The following SLC44A5 variants were observed in gnomAD, a reference collection of about 807,000 sequenced individuals.
The protein encoded by SLC44A5 is solute carrier family 44 member 5, also known as choline transporter-like protein 5.
SLC44A5 carries 57 observed loss-of-function variants against 101.8 expected under a neutral mutation model. That is an observed-to-expected ratio of 0.56 (90% CI 0.45 to 0.70). SLC44A5 has a LOEUF of 0.70. Ranked by LOEUF, SLC44A5 falls within the 30% of genes least tolerant of loss-of-function variation. The probability of loss-of-function intolerance (pLI) is 0.00; values close to 1 mark genes in which losing one functional copy is unlikely to be tolerated. For missense variants in SLC44A5, 737 were observed against 853.1 expected, an observed-to-expected ratio of 0.86 and a Z score of 1.70; for synonymous variants, 281 against 290.9, an observed-to-expected ratio of 0.97 and a Z score of 0.35.
chr1:75,218,509 C>A lies in SLC44A5; in HGVS notation c.1510G>T (p.Ala504Ser). ...ACTTACCGTATGGCTCGTCCAAATG[C>A]AGTAAAAAGTGGATATCGTGGGATG... ...DDIPRYPLFTAFGRAIRYHTG... is the reference protein window; with the variant it reads ...DDIPRYPLFTSFGRAIRYHTG... The change falls in exon 17 of 24, where the codon GCA (alanine) becomes TCA (serine). Residue 504 changes from alanine (A) to serine (S), a missense_variant. By Grantham distance (99) the Ala-to-Ser change is moderately conservative. Coordinates refer to ENST00000370859, the MANE Select transcript of SLC44A5 (RefSeq NM_001130058.2). 6.2e-7 allele frequency: 1 copy of A among 1,613,666 alleles called. No individual in the cohort carries two copies. The highest frequency in any genetic ancestry group is 8.5e-7 in the Non-Finnish European group (1 of 1,179,682).
the SLC44A5 span, among the ~76,000 whole-genome samples, chr1:75,678,388 G>A: frequency 6.6e-6 from 1 of 152,158 alleles, no homozygotes; most frequent in Non-Finnish European, 1.5e-5. Context: ...GAGAGCAGTG[G>A]TTCTCCCAGT....
chr1:75,249,037 G>T (rs954431988), intron 7 of SLC44A5, among the ~76,000 whole-genome samples: 1 of 152,058 alleles, frequency 6.6e-6, no homozygotes, highest in Non-Finnish European at 1.5e-5. Context: ...GAGGAATCAA[G>T]ATGATCAGAG....
Position 75,238,612 on chromosome 1 carries a change from A to G in SLC44A5, c.557T>C (p.Phe186Ser). The change falls in exon 10 of 24, where the codon TTC (phenylalanine) becomes TCC (serine). Residue 186 changes from phenylalanine to serine, a missense_variant. Physicochemically the swap from Phe to Ser is radical, Grantham distance 155. Transcript: ENST00000370859. Reference sequence around the variant, plus strand: ...TGTTAAAGTGCCATTTTTGGTAGAGAAGTCAGGGAAACATCTCTGGAGAAC... The same window carrying G: ...TGTTAAAGTGCCATTTTTGGTAGAGGAGTCAGGGAAACATCTCTGGAGAAC... ...KPFLQRCFPD[F>S]STKNGTLTIG... 6.3e-7 allele frequency: 1 copy of G among 1,577,164 alleles called. No individual in the cohort carries two copies. The highest frequency in any genetic ancestry group is 1.2e-5 in the South Asian group (1 of 86,714).
At chr1:75,574,086 A>C (rs545872666) in intron 1 of SLC44A5, among the ~76,000 whole-genome samples, 1 of 152,304 alleles carries the variant, frequency 6.6e-6, no homozygotes, top group South Asian at 2.1e-4. Context: ...AAAGTGAAGA[A>C]AGCAAAATGC....
At chr1:75,491,275 T>C (rs188657478) in intron 2 of SLC44A5, among the ~76,000 whole-genome samples, 1 of 152,258 alleles carries the variant, frequency 6.6e-6, no homozygotes, top group African/African-American at 2.4e-5. Flanking sequence ...CTTGCCACCA[T>C]CAGATAAACA....
At chr1:75,537,212 A>G (rs1671103019) in intron 2 of SLC44A5, among the ~76,000 whole-genome samples, 2 of 151,908 alleles carry the variant, frequency 1.3e-5, no homozygotes, top group Admixed American at 6.6e-5. Flanking sequence ...ATCTAGTTGA[A>G]CAATTCAAAT....
intron 2 of SLC44A5, among the ~76,000 whole-genome samples, chr1:75,518,355 T>C (rs1019734306): frequency 6.6e-6 from 1 of 152,224 alleles, no homozygotes; most frequent in Non-Finnish European, 1.5e-5. Flanking sequence ...TATTGAATAA[T>C]TTCTTTAGAG....
chr1:75,230,953 T>C (rs1647504049), intron 12 of SLC44A5, among the ~76,000 whole-genome samples: 1 of 152,186 alleles, frequency 6.6e-6, no homozygotes, highest in African/African-American at 2.4e-5. Context: ...ATTTGAATTC[T>C]TGGAGACCTC....
At position 75,585,159 on chromosome 1, in the gene SLC44A5, A is replaced by T. The variant is rs4949865; in HGVS notation, c.-70+25881T>A. ...TAATTTGTAAAACAGCAATGATTTA[A>T]GAAAATTTGAAAGGTTGTTATGTTT... is the stretch of plus-strand genomic sequence containing the variant. On this transcript the variant is annotated intron_variant, in intron 1 of 23. Coordinates refer to ENST00000370859, the MANE Select transcript of SLC44A5 (RefSeq NM_001130058.2). 2.5e-4 allele frequency among the ~76,000 whole-genome samples: 38 copies of T among 152,132 alleles called. No homozygotes were observed. In the East Asian group the frequency reaches 4.4e-3, roughly 18 times the overall value.
rs528727246 is a variant in SLC44A5, at chr1:75,406,885, A to C, written c.14-10264T>G. ...GCAATCAGGCAAGAGAAAGAAATAA[A>C]GGGTATTCAAATAGGAAGAGAAGAA... On this transcript the variant is annotated intron_variant, in intron 2 of 23. Coordinates refer to ENST00000370859, the MANE Select transcript of SLC44A5 (RefSeq NM_001130058.2). Among the ~76,000 whole-genome samples, 4 of 151,996 alleles carry C rather than the reference A, an allele frequency of 2.6e-5. No homozygotes were observed. In the East Asian group the frequency reaches 7.8e-4, roughly 29 times the overall value.
intron 1 of SLC44A5, among the ~76,000 whole-genome samples, chr1:75,599,325 T>C (rs1557948982): frequency 2.6e-5 from 4 of 152,140 alleles, no homozygotes; most frequent in East Asian, 1.9e-4. Context: ...CAAGCATCAA[T>C]GTACAGGCTG....
intron 5 of SLC44A5, among the ~76,000 whole-genome samples, chr1:75,284,077 C>T (rs1557619905): frequency 2.6e-5 from 4 of 151,990 alleles, no homozygotes; most frequent in Admixed American, 6.6e-5. Flanking sequence ...CTAATCTGTA[C>T]ATTGTTTTCA....
chr1:75,219,554 A>T (rs1287895735), intron 15 of SLC44A5, among the ~76,000 whole-genome samples: 1 of 152,118 alleles, frequency 6.6e-6, no homozygotes, highest in Non-Finnish European at 1.5e-5. Context: ...AATGTATAGG[A>T]GCTTTCTTGG....
At chr1:75,371,909 C>G (rs1259357790) in intron 3 of SLC44A5, among the ~76,000 whole-genome samples, 1 of 152,106 alleles carries the variant, frequency 6.6e-6, no homozygotes, top group East Asian at 1.9e-4. Context: ...ATAAAAGCTC[C>G]AAGGTAGCTG....
At chr1:75,629,473 A>C in the SLC44A5 span, among the ~76,000 whole-genome samples, 2 of 152,196 alleles carry the variant, frequency 1.3e-5, no homozygotes, top group Admixed American at 6.6e-5. Flanking sequence ...TTTAGCACAG[A>C]AAACATTTAC....
Position 75,264,127 on chromosome 1 carries a change from TTA to T in SLC44A5, c.260+10829_260+10830del, listed in dbSNP as rs1491478888. On this transcript the variant is annotated intron_variant, in intron 6 of 23. Coordinates refer to ENST00000370859, the MANE Select transcript of SLC44A5 (RefSeq NM_001130058.2). ...ACATGTATCCCATCACTTAAAGTAT[TTA>T]AAAAAAAAAAAAAAAAAAGGAATAG... is the stretch of plus-strand genomic sequence containing the variant. Among the ~76,000 whole-genome samples the T allele has an allele frequency of 8.6e-4, 49 of 57,256 alleles. No homozygotes were observed. In the East Asian group the frequency reaches 0.048, roughly 56 times the overall value. The allele number at this position is 57,256 out of a possible 152,430, so 37.6% of individuals were successfully genotyped here. A position where few individuals can be genotyped will look rare whatever the true frequency, so the allele number is the denominator to read the frequency against.
chr1:75,563,098 A>G (rs1243013501), intron 1 of SLC44A5, among the ~76,000 whole-genome samples: 1 of 152,178 alleles, frequency 6.6e-6, no homozygotes, highest in Non-Finnish European at 1.5e-5. Flanking sequence ...ATCATAATGT[A>G]GTTTTATACA....
intron 5 of SLC44A5, among the ~76,000 whole-genome samples, chr1:75,279,066 T>G (rs1652168791): frequency 6.6e-6 from 1 of 152,104 alleles, no homozygotes; most frequent in Admixed American, 6.6e-5. Flanking sequence ...CTACAATTCT[T>G]GTCTTCAAGC....
chr1:75,512,773 A>T (rs1418136632), intron 2 of SLC44A5, among the ~76,000 whole-genome samples: 1 of 152,166 alleles, frequency 6.6e-6, no homozygotes, highest in Non-Finnish European at 1.5e-5. Flanking sequence ...AGGAAGGCTG[A>T]TGCAGAGCTA....
Sources: allele counts gnomAD v4.1 joint callset (sites outside exome capture counted in the v4.1 genomes callset), GRCh38; gene constraint gnomAD v4.1.1; transcripts MANE v1.5; gene names NCBI Gene and HGNC (gene_info 2026-07-23, HGNC 2026-07-21).